Variants in FCHO2 observed in about 807,000 individuals in gnomAD.
FCHO2 encodes FCH and mu domain containing endocytic adaptor 2, also known as F-BAR domain only protein 2.
FCHO2 carries 43 observed loss-of-function variants against 114.1 expected under a neutral mutation model. The ratio of observed to expected loss-of-function variants is 0.38; its 90% CI spans 0.30 to 0.49. The LOEUF is 0.49. Ranked by LOEUF, FCHO2 falls within the 20% of genes least tolerant of loss-of-function variation. The pLI is 0.97. For missense variants in FCHO2, 807 were observed against 950.4 expected (o/e 0.85, Z 1.98); for synonymous variants, 293 against 315.2 (o/e 0.93, Z 0.75).
Position 72,974,875 on chromosome 5 carries a change from G to A in FCHO2, c.125+6286G>A, listed in dbSNP as rs546677995. ...CCTTTCCATGTTTAGCGCTTCCTTC[G>A]GGAGCTCTTGTAGGGCAGGCCTGCT... On this transcript the variant is annotated intron_variant, in intron 2 of 25. Coordinates refer to ENST00000430046, the MANE Select transcript of FCHO2 (RefSeq NM_138782.3). Among the ~76,000 whole-genome samples the A allele has an allele frequency of 7.4e-3, 1,120 of 152,100 alleles. 12 individuals are homozygous for A. Among genetic ancestry groups the A allele is most frequent in the African/African-American group, 0.024 (1,010 of 41,464 alleles).
At chr5:72,986,918 C>T (rs1308748799) in intron 2 of FCHO2, among the ~76,000 whole-genome samples, 4 of 145,466 alleles carry the variant, frequency 2.7e-5, no homozygotes, top group Non-Finnish European at 3.0e-5. Flanking sequence ...CTCACTCTGT[C>T]GCCCAGCTGG....
At chr5:73,009,416 A>G (rs1754882012) in intron 6 of FCHO2, among the ~76,000 whole-genome samples, 1 of 152,158 alleles carries the variant, frequency 6.6e-6, no homozygotes, top group South Asian at 2.1e-4. Context: ...TGTTGATGTT[A>G]CTTTATAAAA....
chr5:73,073,892 C>A (rs1222405896), intron 19 of FCHO2, among the ~76,000 whole-genome samples: 1 of 151,930 alleles, frequency 6.6e-6, no homozygotes, highest in East Asian at 1.9e-4. Context: ...AACAAACTCT[C>A]ATATATTTTT....
At chr5:73,062,906 C>T (rs1456643649) in intron 17 of FCHO2, among the ~76,000 whole-genome samples, 1 of 151,994 alleles carries the variant, frequency 6.6e-6, no homozygotes, top group Non-Finnish European at 1.5e-5. Flanking sequence ...CATCTCTAAA[C>T]TTTGAAAACA....
intron 22 of FCHO2, among the ~76,000 whole-genome samples, chr5:73,078,956 G>A (rs1422713520): frequency 6.6e-6 from 1 of 152,166 alleles, no homozygotes; most frequent in Non-Finnish European, 1.5e-5. Context: ...GATTCATGCT[G>A]TAGAAGTTTA....
chr5:72,963,905 T>G (rs1018725763), intron 1 of FCHO2, among the ~76,000 whole-genome samples: 74 of 20,214 alleles, frequency 3.7e-3, no homozygotes, highest in East Asian at 0.011. Flanking sequence ...ACTTTCAGTT[T>G]TTTTTTTTTT....
At chr5:73,053,467 G>T (rs972788941) in intron 13 of FCHO2, among the ~76,000 whole-genome samples, 1 of 152,080 alleles carries the variant, frequency 6.6e-6, no homozygotes, top group Non-Finnish European at 1.5e-5. Context: ...AGGCCGAGGC[G>T]GGTGGATCAC....
intron 10 of FCHO2, among the ~76,000 whole-genome samples, chr5:73,039,393 A>G (rs1269575411): frequency 6.6e-6 from 1 of 152,196 alleles, no homozygotes; most frequent in Admixed American, 6.5e-5. Flanking sequence ...AACTCTTTGG[A>G]ACTTTAACAC....
intron 1 of FCHO2, 94 bp from the exon 2 acceptor site, chr5:72,968,404 C>T: frequency 1.3e-6 from 1 of 785,546 alleles, no homozygotes; most frequent in Non-Finnish European, 1.9e-6. Context: ...CTCACCTGAG[C>T]ACAGGATTGC....
chr5:73,003,559 G>C (rs1212612088), intron 5 of FCHO2, among the ~76,000 whole-genome samples: 2 of 152,010 alleles, frequency 1.3e-5, no homozygotes, highest in Non-Finnish European at 2.9e-5. Context: ...GTCTCCTTTT[G>C]ACTTGTAAAT....
chr5:73,051,320 A>G (rs1757325372), intron 11 of FCHO2, 29 bp from the exon 12 acceptor site: 3 of 1,443,068 alleles, frequency 2.1e-6, no homozygotes, highest in Non-Finnish European at 2.8e-6. Context: ...TGGAGTTGTC[A>G]TTATAATTTT....
chr5:73,058,649 CA>C (rs1645061289), intron 17 of FCHO2, 125 bp downstream of exon 17: 1 of 407,606 alleles, frequency 2.5e-6, no homozygotes, highest in Admixed American at 4.1e-5. Context: ...TCTGTATTGC[CA>C]AATAAAAGTG....
chr5:72,973,236 TC>T (rs1188189510), intron 2 of FCHO2, among the ~76,000 whole-genome samples: 1 of 152,084 alleles, frequency 6.6e-6, no homozygotes, highest in East Asian at 1.9e-4. Flanking sequence ...TAGGGAGGAT[TC>T]CCTCTTTTTC....
intron 17 of FCHO2, among the ~76,000 whole-genome samples, chr5:73,061,774 C>T (rs914044335): frequency 6.6e-6 from 1 of 152,084 alleles, no homozygotes; most frequent in Non-Finnish European, 1.5e-5. Context: ...CATTGTAAAG[C>T]TGAAAATACT....
Position 73,067,459 on chromosome 5 carries a change from A to G in FCHO2, c.1450-1191A>G, listed in dbSNP as rs146163639. ...TATTGTCCATCATAATGAGTCATCA[A>G]AAAGCTGTACTCTGGAAAAAATAGT... On this transcript the variant is annotated intron_variant, in intron 18 of 25. Transcript: ENST00000430046. Among the ~76,000 whole-genome samples the G allele has an allele frequency of 1.4e-4, 21 of 152,188 alleles. No homozygotes were observed. In the East Asian group the frequency reaches 4.1e-3, roughly 29 times the overall value.
chr5:73,006,219 C>T (rs1384886130), intron 5 of FCHO2, among the ~76,000 whole-genome samples: 1 of 152,044 alleles, frequency 6.6e-6, no homozygotes, highest in Non-Finnish European at 1.5e-5. Flanking sequence ...AAAGCACATT[C>T]CATCAAACAG....
intron 1 of FCHO2, among the ~76,000 whole-genome samples, chr5:72,968,081 C>T (rs534015074): frequency 3.3e-5 from 5 of 151,392 alleles, no homozygotes; most frequent in East Asian, 2.0e-4. Context: ...CCCACCACCA[C>T]GCCCGGCTAA....
At chr5:72,960,610 T>G (rs1272988289) in intron 1 of FCHO2, among the ~76,000 whole-genome samples, 1 of 152,204 alleles carries the variant, frequency 6.6e-6, no homozygotes, top group Admixed American at 6.5e-5. Flanking sequence ...TCTAAGCCGC[T>G]GCTTTCTCAA....
intron 1 of FCHO2, among the ~76,000 whole-genome samples, chr5:72,958,788 T>G (rs995774246): frequency 5.3e-5 from 8 of 152,242 alleles, no homozygotes; most frequent in African/African-American, 1.9e-4. Context: ...TTGATGCTCT[T>G]GTAAATGTTA....
Sources: gnomAD v4.1 joint callset for allele counts (sites outside exome capture counted in the v4.1 genomes callset) on GRCh38, gnomAD v4.1.1 for gene constraint, MANE v1.5 for transcripts, NCBI Gene and HGNC (gene_info 2026-07-23, HGNC 2026-07-21) for gene names.